The following MYCBP2 variants were observed in gnomAD, a reference collection of about 807,000 sequenced individuals.
MYCBP2 encodes the protein E3 ubiquitin-protein ligase MYCBP2.
MYCBP2 carries 120 observed loss-of-function variants against 525.3 expected under a neutral mutation model. That is an observed-to-expected ratio of 0.23 (90% CI 0.20 to 0.27). The LOEUF (loss-of-function observed/expected upper bound fraction) is 0.27, where lower values mean the gene tolerates loss of function less well. Ranked by LOEUF, MYCBP2 falls within the 10% of genes least tolerant of loss-of-function variation. The pLI is 1.00. For missense variants in MYCBP2, 4,149 were observed against 5,657.1 expected, an observed-to-expected ratio of 0.73 and a Z score of 8.55; for synonymous variants, 1,894 against 1,955.8, an observed-to-expected ratio of 0.97 and a Z score of 0.83.
intron 72 of MYCBP2, 27 bp from the exon 73 acceptor site, chr13:77,064,761 T>C (rs1273006806): frequency 5.0e-6 from 8 of 1,591,290 alleles, no homozygotes; most frequent in Non-Finnish European, 6.0e-6. Flanking sequence ...AGTATTTTAA[T>C]AAGTGACCAG....
At chr13:77,165,460 C>T (rs1177821298) in intron 41 of MYCBP2, 69 bp from the exon 42 acceptor site, 1 of 1,107,194 alleles carries the variant, frequency 9.0e-7, no homozygotes, top group Non-Finnish European at 1.3e-6. Flanking sequence ...GTCTTTTATC[C>T]AATGGACTTT....
Position 77,138,764 on chromosome 13 carries a change from G to A in MYCBP2, c.7659+432C>T, listed in dbSNP as rs73543851. 5.8e-3 allele frequency among the ~76,000 whole-genome samples: 870 copies of A among 151,206 alleles called. 12 individuals carry two copies. The highest frequency in any genetic ancestry group is 0.02 in the African/African-American group (831 of 40,574). On this transcript the variant is annotated intron_variant, in intron 52 of 82. Coordinates refer to ENST00000544440, the MANE Select transcript of MYCBP2 (RefSeq NM_015057.5). ...CCGAGAAGGAAGAGAGTCAAAATTA[G>A]ACAGAACACACAGAACTATCTGCAA...
chr13:77,244,945 G>A (rs770051287), intron 15 of MYCBP2, among the ~76,000 whole-genome samples: 2 of 152,012 alleles, frequency 1.3e-5, no homozygotes, highest in South Asian at 2.1e-4. Flanking sequence ...AAAAGTGGGC[G>A]AAGGATAAGA....
Position 77,267,798 on chromosome 13 carries a change from C to T in MYCBP2, c.1357+43G>A, listed in dbSNP as rs191077808. The T allele has an allele frequency of 4.2e-3, 5,964 of 1,428,396 alleles. 39 individuals are homozygous for T. Among genetic ancestry groups the T allele is most frequent in the Non-Finnish European group, 4.5e-3 (4,529 of 1,011,466 alleles). The allele number at this position is 1,428,396 out of a possible 1,614,324, so 88.5% of individuals were successfully genotyped here. On this transcript the variant is annotated intron_variant, in intron 8 of 82. Coordinates refer to ENST00000544440, the MANE Select transcript of MYCBP2 (RefSeq NM_015057.5). ...TCTAAATAGCTTAACATGCACATTT[C>T]TTAAAATTGCTTGTGGAGAAAAAAT...
rs944026833 is a variant in MYCBP2 at position 77,081,265 on chromosome 13, A to G, written c.11418+162T>C. On this transcript the variant is annotated intron_variant, in intron 65 of 82. Coordinates refer to ENST00000544440, the MANE Select transcript of MYCBP2 (RefSeq NM_015057.5). This position sits in a 1 kb window ranked among gnomAD's most constrained non-coding sequence, Gnocchi z 4.6. ...ATTCCACAGTGCTCCCAATCATATT[A>G]ATTTGTTTTTAGACTTAAGATTTAT... The G allele has an allele frequency of 1.9e-5, 12 of 632,300 alleles. No individual in the cohort carries two copies. Among genetic ancestry groups the G allele is most frequent in the Admixed American group, 3.0e-5 (1 of 33,548 alleles). The allele number at this position is 632,300 out of a possible 1,614,324, so 39.2% of individuals were successfully genotyped here. A position where few individuals can be genotyped will look rare whatever the true frequency, so the allele number is the denominator to read the frequency against.
intron 17 of MYCBP2, among the ~76,000 whole-genome samples, chr13:77,241,185 G>A (rs1244504508): frequency 6.6e-6 from 1 of 151,942 alleles, no homozygotes. Flanking sequence ...AAAAATAAAT[G>A]GCAAAAGAAT....
chr13:77,299,014 A>C (rs2078491257), intron 1 of MYCBP2, among the ~76,000 whole-genome samples: 1 of 146,494 alleles, frequency 6.8e-6, no homozygotes, highest in East Asian at 2.0e-4. Flanking sequence ...CATACTATTT[A>C]GGAAACCAAC....
At chr13:77,241,410 G>T (rs758615510) in intron 17 of MYCBP2, among the ~76,000 whole-genome samples, 2 of 152,116 alleles carry the variant, frequency 1.3e-5, no homozygotes, top group Non-Finnish European at 2.9e-5. Context: ...AGAAATAGCT[G>T]CATTTTGTAG....
intron 58 of MYCBP2, 32 bp downstream of exon 58, chr13:77,095,326 G>A: frequency 6.2e-7 from 1 of 1,610,334 alleles, no homozygotes; most frequent in Non-Finnish European, 8.5e-7. Flanking sequence ...TAATCCAAAG[G>A]TGATTAAAAA....
At chr13:77,323,462 GCCT>G (rs1351677432) in intron 1 of MYCBP2, among the ~76,000 whole-genome samples, 1 of 152,100 alleles carries the variant, frequency 6.6e-6, no homozygotes, top group Non-Finnish European at 1.5e-5. Flanking sequence ...CTCTACATCT[GCCT>G]CCTCATCATG....
chr13:77,238,849 G>C (rs1345364294), intron 17 of MYCBP2, among the ~76,000 whole-genome samples: 2 of 152,176 alleles, frequency 1.3e-5, no homozygotes, highest in Non-Finnish European at 2.9e-5. Context: ...CTAGGGCCCA[G>C]GCCGAGCGCA....
intron 17 of MYCBP2, among the ~76,000 whole-genome samples, chr13:77,236,471 C>T (rs566448738): frequency 6.6e-6 from 1 of 152,042 alleles, no homozygotes; most frequent in Non-Finnish European, 1.5e-5. Flanking sequence ...CTAGTAACTG[C>T]ACCCTAGGAA....
intron 68 of MYCBP2, among the ~76,000 whole-genome samples, chr13:77,071,045 A>C (rs1345829374): frequency 6.6e-6 from 1 of 152,140 alleles, no homozygotes; most frequent in Non-Finnish European, 1.5e-5. Context: ...AGAACAATCC[A>C]GGAAAATAAC....
intron 27 of MYCBP2, among the ~76,000 whole-genome samples, chr13:77,193,902 T>C (rs552848523): frequency 6.6e-6 from 1 of 152,278 alleles, no homozygotes. Context: ...GTATAAAATA[T>C]ATGCATATTT....
At chr13:77,050,922 G>A in intron 82 of MYCBP2, 75 bp downstream of exon 82, 1 of 1,291,344 alleles carries the variant, frequency 7.7e-7, no homozygotes, top group Non-Finnish European at 1.1e-6. Context: ...ACTTGAAACA[G>A]AGCTTTCATA....
intron 34 of MYCBP2, 62 bp from the exon 35 acceptor site, chr13:77,178,016 G>T (rs1004292729): frequency 2.0e-6 from 2 of 1,011,912 alleles, no homozygotes; most frequent in Non-Finnish European, 3.1e-6. Context: ...CCATCCAAAG[G>T]TTTCTAAGAA....
At chr13:77,130,750 T>C (rs1193060156) in intron 52 of MYCBP2, among the ~76,000 whole-genome samples, 1 of 152,158 alleles carries the variant, frequency 6.6e-6, no homozygotes, top group East Asian at 1.9e-4. Flanking sequence ...CAAAGCATAG[T>C]GGGACAGACT....
At chr13:77,206,165 AAAT>A (rs2154276279) in intron 24 of MYCBP2, among the ~76,000 whole-genome samples, 1 of 152,136 alleles carries the variant, frequency 6.6e-6, no homozygotes, top group African/African-American at 2.4e-5. Flanking sequence ...TCCAGTTACA[AAAT>A]AATATATTGC....
intron 2 of MYCBP2, among the ~76,000 whole-genome samples, chr13:77,289,750 A>T (rs1327270287): frequency 1.3e-5 from 2 of 152,184 alleles, no homozygotes; most frequent in East Asian, 3.8e-4. Flanking sequence ...TTTCTAAAAA[A>T]GAAATGTTTT....
Sources: gnomAD v4.1 joint callset for allele counts (sites outside exome capture counted in the v4.1 genomes callset) on GRCh38, gnomAD v4.1.1 for gene constraint, Gnocchi (gnomAD v3.1) non-coding constraint, MANE v1.5 for transcripts, NCBI Gene and HGNC (gene_info 2026-07-23, HGNC 2026-07-21) for gene names.